The following NEK4 variants were observed in gnomAD, a reference collection of about 807,000 sequenced individuals.
NEK4 encodes serine/threonine-protein kinase Nek4.
NEK4 carries 86 observed loss-of-function variants against 98.4 expected under a neutral mutation model. That is an observed-to-expected ratio of 0.87 (90% CI 0.73 to 1.05). The LOEUF is 1.05. Among genes scored for constraint, NEK4 ranks in the 50% least tolerant of loss-of-function variants. The probability of loss-of-function intolerance (pLI) is 0.00; values close to 1 mark genes in which losing one functional copy is unlikely to be tolerated. For synonymous variants in NEK4, 328 were observed against 342.2 expected (o/e 0.96, Z 0.46); for missense variants, 898 against 950.3 (o/e 0.94, Z 0.72).
chr3:52,725,027 T>C (rs1283259863), intron 15 of NEK4, among the ~76,000 whole-genome samples: 1 of 152,222 alleles, frequency 6.6e-6, no homozygotes, highest in East Asian at 1.9e-4. Context: ...AAAGCTAGTA[T>C]TATTGTAACA....
intron 15 of NEK4, among the ~76,000 whole-genome samples, chr3:52,712,605 T>C (rs1251280308): frequency 6.6e-6 from 1 of 152,152 alleles, no homozygotes; most frequent in Non-Finnish European, 1.5e-5. Context: ...GCTTGGAGAA[T>C]GAATGCAAGG....
At chr3:52,745,905 T>C (rs921674197) in intron 10 of NEK4, among the ~76,000 whole-genome samples, 156 bp downstream of exon 10, 17 of 152,198 alleles carry the variant, frequency 1.1e-4, no homozygotes, top group African/African-American at 3.6e-4. Flanking sequence ...AAATTTTTTG[T>C]AGAGACAAGG....
At chr3:52,729,709 C>CAA (rs1309141148) in intron 15 of NEK4, among the ~76,000 whole-genome samples, 1 of 36,622 alleles carries the variant, frequency 2.7e-5, no homozygotes, top group East Asian at 8.6e-4. Context: ...CTCTGTGTCT[C>CAA]AAAAAAAAAA....
intron 15 of NEK4, among the ~76,000 whole-genome samples, chr3:52,719,059 C>T (rs1413726222): frequency 6.6e-6 from 1 of 152,174 alleles, no homozygotes; most frequent in East Asian, 1.9e-4. Flanking sequence ...GCCTGGCCTA[C>T]ACCCCCTTTA....
At chr3:52,723,496 C>T (rs554526957) in intron 15 of NEK4, among the ~76,000 whole-genome samples, 2 of 152,208 alleles carry the variant, frequency 1.3e-5, no homozygotes, top group South Asian at 4.1e-4. Context: ...CCTGGCTCAG[C>T]CTCCCAAAGT....
At chr3:52,744,381 T>C in intron 10 of NEK4, 76 bp from the exon 11 acceptor site, 1 of 1,139,444 alleles carries the variant, frequency 8.8e-7, no homozygotes, top group Non-Finnish European at 1.3e-6. Context: ...TGATGTATCA[T>C]TCAGCATTAA....
chr3:52,729,008 C>G (rs2097367132), intron 15 of NEK4, among the ~76,000 whole-genome samples: 1 of 152,144 alleles, frequency 6.6e-6, no homozygotes, highest in East Asian at 1.9e-4. Context: ...AGATGTTTAT[C>G]AAGACAATAT....
In NEK4 at chr3:52,751,934, G is replaced by C. The variant is rs56019351; in HGVS notation, c.1366C>G (p.Gln456Glu). Reference protein sequence around the residue: ...PLIKEQKPKDQSLALSPKLEC... With the variant: ...PLIKEQKPKDESLALSPKLEC... ...TCTCATGTGTGCATATCACTCACCT[G>C]GTCCTTTGGCTTTTGTTCTTTGATT... Residue 456 changes from glutamine to glutamate, a missense_variant and splice_region_variant, in exon 7 of 16, where the codon CAG (glutamine) becomes GAG (glutamate). By Grantham distance (29) the Gln-to-Glu change is conservative. Transcript: ENST00000233027. 1.1e-4 allele frequency: 170 copies of C among 1,612,300 alleles called. No individual in the cohort carries two copies. Among genetic ancestry groups the C allele is most frequent in the Middle Eastern group, 3.7e-4 (2 of 5,358 alleles).
At chr3:52,738,448 T>C (rs2097380044) in intron 14 of NEK4, among the ~76,000 whole-genome samples, 1 of 151,496 alleles carries the variant, frequency 6.6e-6, no homozygotes, top group Admixed American at 6.6e-5. Context: ...TTTATTTTTA[T>C]TTCATTTCAT....
intron 15 of NEK4, among the ~76,000 whole-genome samples, chr3:52,727,111 A>G (rs991569852): frequency 6.6e-6 from 1 of 151,728 alleles, no homozygotes; most frequent in East Asian, 2.0e-4. Flanking sequence ...GGTAGCTGAG[A>G]TTACAGATGT....
Position 52,743,443 on chromosome 3 carries a change from G to A in NEK4, c.1913C>T (p.Ala638Val), listed in dbSNP as rs559285627. 4 of 1,613,986 alleles carry A rather than the reference G, an allele frequency of 2.5e-6. No homozygotes were observed. The highest frequency in any genetic ancestry group is 2.2e-5 in the East Asian group (1 of 44,888). ...MSSSGPSVRK[A>V]SLSVAGPGKP... The stretch of plus-strand genomic sequence containing the variant: ...TCCTGGCCCTGCTACACTCAGAGAC[G>A]CTTTCCTCACTGAAGGGCCTGAAAA... Residue 638 changes from alanine (A) to valine (V), a missense_variant, in exon 12 of 16, where the codon GCG becomes GTG. Physicochemically the swap from Ala to Val is moderately conservative, Grantham distance 64. Transcript: ENST00000233027.
Position 52,765,777 on chromosome 3 carries a change from T to C in NEK4, c.666+110A>G, listed in dbSNP as rs975934902. 14 of 686,430 alleles carry C rather than the reference T, an allele frequency of 2.0e-5. No individual in the cohort carries two copies. In the Admixed American group the frequency reaches 3.4e-4, roughly 17 times the overall value. The allele number at this position is 686,430 out of a possible 1,614,324, so 42.5% of individuals were successfully genotyped here. A position where few individuals can be genotyped will look rare whatever the true frequency, so the allele number is the denominator to read the frequency against. ...CCACCATTGTTAACTATCAACCCAA[T>C]CTCAATAATTACTCATTGACTCATC... is the stretch of plus-strand genomic sequence containing the variant. On this transcript the variant is annotated intron_variant, in intron 4 of 15. Transcript: ENST00000233027.
intron 15 of NEK4, among the ~76,000 whole-genome samples, chr3:52,722,502 C>CA (rs2097360979): frequency 1.3e-5 from 2 of 151,660 alleles, no homozygotes. Context: ...AGTTTGAAAA[C>CA]AAAAACAAAA....
In NEK4 at chr3:52,710,378, AATTG is replaced by A. The variant is rs1304326239; in HGVS notation, c.*1395_*1398del. The A allele has an allele frequency of 1.3e-5, 2 of 151,560 alleles. No individual in the cohort carries two copies. The highest frequency in any genetic ancestry group is 6.6e-5 in the Admixed American group (1 of 15,158). The allele number at this position is 151,560 out of a possible 1,614,324, so 9.4% of individuals were successfully genotyped here. On this transcript the variant is annotated 3_prime_UTR_variant, in exon 16 of 16. Coordinates refer to ENST00000233027, the MANE Select transcript of NEK4 (RefSeq NM_003157.6). ...AGACTGTGTCTTAAAAAAAAAAAAAAATTGTTAAGTGGCTGTAAAGGGAACATTT... is the reference window on the plus strand; with the variant it reads ...AGACTGTGTCTTAAAAAAAAAAAAAATTAAGTGGCTGTAAAGGGAACATTT...
chr3:52,737,262 TA>T (rs34831384), intron 15 of NEK4, among the ~76,000 whole-genome samples: 89 of 141,280 alleles, frequency 6.3e-4, no homozygotes, highest in Non-Finnish European at 4.8e-4. Flanking sequence ...AAATTTTCCT[TA>T]AAAAAAAAAA....
intron 15 of NEK4, among the ~76,000 whole-genome samples, chr3:52,731,333 T>A (rs150445860): frequency 6.6e-6 from 1 of 152,356 alleles, no homozygotes; most frequent in East Asian, 1.9e-4. Context: ...AAAATTCATA[T>A]GTAATTGCAA....
At chr3:52,712,402 A>G (rs1486155043) in intron 15 of NEK4, among the ~76,000 whole-genome samples, 3 of 152,116 alleles carry the variant, frequency 2.0e-5, no homozygotes, top group Admixed American at 6.5e-5. Flanking sequence ...CTCTGACCCC[A>G]TGGTAGTGTC....
At chr3:52,757,734 T>TCTG (rs1283410789) in intron 6 of NEK4, among the ~76,000 whole-genome samples, 2 of 152,092 alleles carry the variant, frequency 1.3e-5, no homozygotes, top group Non-Finnish European at 2.9e-5. Flanking sequence ...TATTCAGCAT[T>TCTG]AAAAAGGAAG....
intron 6 of NEK4, among the ~76,000 whole-genome samples, chr3:52,757,497 A>C (rs1162533666): frequency 8.6e-5 from 13 of 151,726 alleles, no homozygotes; most frequent in African/African-American, 3.1e-4. Context: ...GGTGGAGGTT[A>C]CAGTGAGCCA....
Sources: allele counts gnomAD v4.1 joint callset (sites outside exome capture counted in the v4.1 genomes callset), GRCh38; gene constraint gnomAD v4.1.1; transcripts MANE v1.5; gene names NCBI Gene and HGNC (gene_info 2026-07-23, HGNC 2026-07-21).